Variants in GAMT observed in about 807,000 individuals in gnomAD.
GAMT encodes epididymis secretory protein Li 20.
Under a neutral mutation model 26.9 loss-of-function variants are expected in GAMT, and 26 were observed. That is an observed-to-expected ratio of 0.97 (90% confidence interval 0.71 to 1.34). The LOEUF is 1.34. Ranked by LOEUF, GAMT falls within the 40% of genes most tolerant of loss-of-function variation. The probability of loss-of-function intolerance (pLI) is 0.00; values close to 1 mark genes in which losing one functional copy is unlikely to be tolerated. For missense variants in GAMT, 412 were observed against 345.0 expected (o/e 1.19, Z -1.54); for synonymous variants, 169 against 149.6 (o/e 1.13, Z -0.95).
At position 1,397,395 on chromosome 19, in the gene GAMT, G is replaced by A. The variant is rs761788121; in HGVS notation, c.675C>T (p.Phe225=). 3.7e-6 allele frequency: 6 copies of A among 1,612,584 alleles called. No homozygotes were observed. Among genetic ancestry groups the A allele is most frequent in the Non-Finnish European group, 5.1e-6 (6 of 1,179,900 alleles). The change falls in exon 6 of 6, where the codon TTC becomes TTT. Residue 225 remains phenylalanine (F), a synonymous_variant. Transcript: ENST00000252288. ...TCACCAGGGGCGTGATCATCTGTGG[G>A]AAGGCGTAGTAGCGGCAGTCGGCCG... ...VPPADCRYYA[F]PQMITPLVTK...
Position 1,398,918 on chromosome 19 carries a change from C to A in GAMT, c.568G>T (p.Glu190Ter). ...SKYSDITIMF[E>*]ETQVPALLEA... ...TGGGGAACTTCAGGTGGGCGCACCT[C>A]AAACATGATGGTGATGTCTGAGTAC... The change falls in exon 5 of 6, where the codon GAG becomes TAG. Residue 190 changes from glutamate to a stop codon, truncating the protein, a stop_gained and splice_region_variant. Transcript: ENST00000252288. LOFTEE classifies it high-confidence loss of function. 6.2e-7 allele frequency: 1 copy of A among 1,613,374 alleles called. No homozygotes were observed. Among genetic ancestry groups the A allele is most frequent in the Non-Finnish European group, 8.5e-7 (1 of 1,180,034 alleles).
At position 1,397,813 on chromosome 19, in the gene GAMT, A is replaced by C. The variant is rs1008133278; in HGVS notation, c.571-314T>G. The C allele has an allele frequency of 7.2e-6, 9 of 1,256,602 alleles. No homozygotes were observed. In the African/African-American group the frequency reaches 1.4e-4, roughly 19 times the overall value. 77.8% of individuals were successfully genotyped at this position (1,256,602 alleles called of 1,614,324 possible). The stretch of plus-strand genomic sequence containing the variant: ...AGCCAAAGAATCACACCAGAAAAAG[A>C]ACACAGGCCACTAGTTCCCATTTTG... On this transcript the variant is annotated intron_variant, in intron 5 of 5. Transcript: ENST00000252288.
chr19:1,398,669 C>G (rs1191030070), intron 5 of GAMT: 1 of 1,382,528 alleles, frequency 7.2e-7, no homozygotes, highest in Non-Finnish European at 9.9e-7. Flanking sequence ...GTCTTGAACT[C>G]CTAGGCTCAA....
rs759963745 is a variant in GAMT at position 1,399,787 on chromosome 19, G to A, written c.327+6C>T. ...GGTCCTGGAGGGCCTGCGGGCAGAG[G>A]GGCACCTTGTGTGTCTGCCGTGGGG... On this transcript the variant is annotated splice_donor_region_variant and intron_variant, in intron 2 of 5. Coordinates refer to ENST00000252288, the MANE Select transcript of GAMT (RefSeq NM_000156.6). The surrounding 1 kb of genome is among the most constrained non-coding windows in gnomAD (Gnocchi z 6.2). 5.8e-6 allele frequency: 9 copies of A among 1,558,260 alleles called. No individual in the cohort carries two copies. The highest frequency in any genetic ancestry group is 1.7e-4 in the Middle Eastern group (1 of 5,988).
intron 5 of GAMT, chr19:1,398,082 CTT>C: frequency 1.0e-6 from 1 of 995,360 alleles, no homozygotes; most frequent in Non-Finnish European, 1.2e-6. Flanking sequence ...TGGTGAGGGA[CTT>C]TGATTTCCAT....
intron 5 of GAMT, 80 bp from the exon 6 acceptor site, chr19:1,397,579 T>A: frequency 6.4e-7 from 1 of 1,572,020 alleles, no homozygotes; most frequent in South Asian, 1.1e-5. Flanking sequence ...CATTGAAGAG[T>A]GTTTACAGAT....
At position 1,398,065 on chromosome 19, in the gene GAMT, G is replaced by A. The variant is rs139223989; in HGVS notation, c.571-566C>T. The A allele has an allele frequency of 1.2e-5, 12 of 998,216 alleles. No homozygotes were observed. In the African/African-American group the frequency reaches 1.6e-4, roughly 13 times the overall value. The allele number at this position is 998,216 out of a possible 1,614,324, so 61.8% of individuals were successfully genotyped here. On this transcript the variant is annotated intron_variant, in intron 5 of 5. Coordinates refer to ENST00000252288, the MANE Select transcript of GAMT (RefSeq NM_000156.6). ...GGGCACTGGGGAGCCATGGGAGGTT[G>A]TTGAGCTGGTGAGGGACTTTGATTT...
At position 1,401,180 on chromosome 19, in the gene GAMT, C is replaced by T. The variant is rs916224878; in HGVS notation, c.181+116G>A. 4.3e-6 allele frequency: 4 copies of T among 938,406 alleles called. No homozygotes were observed. In the Admixed American group the frequency reaches 1.3e-4, roughly 30 times the overall value. 58.1% of individuals were successfully genotyped at this position (938,406 alleles called of 1,614,324 possible). A position where few individuals can be genotyped will look rare whatever the true frequency, so the allele number is the denominator to read the frequency against. ...CCCACCTGCAGCCCCACTTCCCAGG[C>T]GAGGAGACAGAGGCGCCCCGGCGGG... On this transcript the variant is annotated intron_variant, in intron 1 of 5. Coordinates refer to ENST00000252288, the MANE Select transcript of GAMT (RefSeq NM_000156.6).
intron 1 of GAMT, 51 bp downstream of exon 1, chr19:1,401,245 C>T (rs1214798403): frequency 1.5e-6 from 2 of 1,343,402 alleles, no homozygotes. Flanking sequence ...GCAGCCCCGG[C>T]CTCAGTTTCC....
At chr19:1,398,470 C>T (rs1385969119) in intron 5 of GAMT, 2 of 473,704 alleles carry the variant, frequency 4.2e-6, no homozygotes, top group Non-Finnish European at 7.4e-6. Context: ...GGGTCTGGCT[C>T]TGTTACCCAG....
chr19:1,397,570 A>C lies in GAMT; in HGVS notation c.571-71T>G. ...ACGTGCACCCTGGCGCCCACCCCTC[A>C]TTGAAGAGTGTTTACAGATGGCAAG... On this transcript the variant is annotated intron_variant, in intron 5 of 5. Transcript: ENST00000252288. The C allele has an allele frequency of 3.2e-6, 5 of 1,586,660 alleles. No homozygotes were observed. In the South Asian group the frequency reaches 5.5e-5, roughly 18 times the overall value.
chr19:1,398,144 C>T (rs11670139), intron 5 of GAMT: 25 of 958,528 alleles, frequency 2.6e-5, no homozygotes, highest in Non-Finnish European at 3.1e-5. Context: ...GTTGCCCAGG[C>T]TGGAGTACAA....
In GAMT at chr19:1,401,352, A is replaced by G. The variant is rs1381444164; in HGVS notation, c.125T>C (p.Met42Thr). The G allele has an allele frequency of 2.6e-6, 4 of 1,535,582 alleles. No homozygotes were observed. Among genetic ancestry groups the G allele is most frequent in the Non-Finnish European group, 3.5e-6 (4 of 1,150,068 alleles). The change falls in exon 1 of 6, where the codon ATG (methionine) becomes ACG (threonine). Residue 42 changes from methionine to threonine, a missense_variant. Coordinates refer to ENST00000252288, the MANE Select transcript of GAMT (RefSeq NM_000156.6). ...CATATAGGGGGTCTCCCAGCGCTCC[A>G]TCACCGGCTTGCCCAGGATGCGCAG... ...THLRILGKPV[M>T]ERWETPYMHA...
In GAMT at chr19:1,398,469, T is replaced by C. The variant is rs533935489; in HGVS notation, c.570+447A>G. On this transcript the variant is annotated intron_variant, in intron 5 of 5. Coordinates refer to ENST00000252288, the MANE Select transcript of GAMT (RefSeq NM_000156.6). ...CTTTTTTCTTGAGACAGGGTCTGGC[T>C]CTGTTACCCAGGCTGGAGTGCAGTG... 4 of 472,250 alleles carry C rather than the reference T, an allele frequency of 8.5e-6. No individual in the cohort carries two copies. In the South Asian group the frequency reaches 1.4e-4, roughly 16 times the overall value. 29.3% of individuals were successfully genotyped at this position (472,250 alleles called of 1,614,324 possible).
Position 1,401,345 on chromosome 19 carries a change from G to C in GAMT, c.132C>G (p.Arg44=). ...GCGCGTGCATATAGGGGGTCTCCCA[G>C]CGCTCCATCACCGGCTTGCCCAGGA... is the stretch of plus-strand genomic sequence containing the variant. ...LRILGKPVME[R]WETPYMHALA... Residue 44 remains arginine (R), a synonymous_variant, in exon 1 of 6, where the codon CGC becomes CGG. Coordinates refer to ENST00000252288, the MANE Select transcript of GAMT (RefSeq NM_000156.6). 6.5e-7 allele frequency: 1 copy of C among 1,538,334 alleles called. No homozygotes were observed. Among genetic ancestry groups the C allele is most frequent in the African/African-American group, 1.4e-5 (1 of 70,606 alleles).
rs944163283 is a variant in GAMT at position 1,399,619 on chromosome 19, G to A, written c.328-32C>T. 1.3e-6 allele frequency: 2 copies of A among 1,599,694 alleles called. No homozygotes were observed. The highest frequency in any genetic ancestry group is 1.3e-5 in the African/African-American group (1 of 74,718). On this transcript the variant is annotated intron_variant, in intron 2 of 5. Transcript: ENST00000252288. This position sits in a 1 kb window ranked among gnomAD's most constrained non-coding sequence, Gnocchi z 6.2. ...GAGGGGAAAAGAAAAAGAGAGGACA[G>A]GGTAGAGAGGTCCCCAGGATCTCCC...
At chr19:1,397,855 AG>A in intron 5 of GAMT, 1 of 1,154,880 alleles carries the variant, frequency 8.7e-7, no homozygotes, top group Non-Finnish European at 1.1e-6. Flanking sequence ...AAGCTGCCCC[AG>A]GGGCCACAGG....
chr19:1,401,525 C>T lies in GAMT; in HGVS notation c.-49G>A. The T allele has an allele frequency of 1.0e-5, 13 of 1,259,368 alleles. No individual in the cohort carries two copies. The highest frequency in any genetic ancestry group is 1.3e-5 in the Non-Finnish European group (13 of 995,364). The allele number at this position is 1,259,368 out of a possible 1,614,324, so 78.0% of individuals were successfully genotyped here. On this transcript the variant is annotated 5_prime_UTR_variant, in exon 1 of 6. Coordinates refer to ENST00000252288, the MANE Select transcript of GAMT (RefSeq NM_000156.6). Reference sequence around the variant, plus strand: ...ACCTCGATCGCGCGCCGCCCGGGCCCGCTCCCTGCAGGGGCTTGTGGGCCG... The same window carrying T: ...ACCTCGATCGCGCGCCGCCCGGGCCTGCTCCCTGCAGGGGCTTGTGGGCCG...
Position 1,399,094 on chromosome 19 carries a change from G to A in GAMT, c.459+34C>T, listed in dbSNP as rs752136977. 6.2e-7 allele frequency: 1 copy of A among 1,613,312 alleles called. No homozygotes were observed. The highest frequency in any genetic ancestry group is 8.5e-7 in the Non-Finnish European group (1 of 1,179,900). On this transcript the variant is annotated intron_variant, in intron 4 of 5. Coordinates refer to ENST00000252288, the MANE Select transcript of GAMT (RefSeq NM_000156.6). The surrounding 1 kb of genome is among the most constrained non-coding windows in gnomAD (Gnocchi z 6.2). Reference sequence around the variant, plus strand: ...TGTGGGCAGAGGGGCTTCCCCGAGGGCCTCCCGCATCCCAGCAAGTCAGAG... The same window carrying A: ...TGTGGGCAGAGGGGCTTCCCCGAGGACCTCCCGCATCCCAGCAAGTCAGAG...
Sources: gnomAD v4.1 joint callset for allele counts on GRCh38, gnomAD v4.1.1 for gene constraint, Gnocchi (gnomAD v3.1) non-coding constraint, MANE v1.5 for transcripts, NCBI Gene and HGNC (gene_info 2026-07-23, HGNC 2026-07-21) for gene names.